The following CFAP54 variants were observed in gnomAD, a reference collection of about 807,000 sequenced individuals.
The protein encoded by CFAP54 is cilia and flagella associated protein 54.
CFAP54 carries 290 observed loss-of-function variants against 370.4 expected under a neutral mutation model. The ratio of observed to expected loss-of-function variants is 0.78; its 90% CI spans 0.71 to 0.86. CFAP54 has a LOEUF of 0.86. Ranked by LOEUF, CFAP54 falls within the 40% of genes least tolerant of loss-of-function variation. The pLI is 0.00. For synonymous variants in CFAP54, 1,206 were observed against 1,236.5 expected, an observed-to-expected ratio of 0.98 and a Z score of 0.52; for missense variants, 3,399 against 3,528.7, an observed-to-expected ratio of 0.96 and a Z score of 0.93.
In CFAP54 at chr12:96,564,510, G is replaced by T. The variant is rs1376506945; in HGVS notation, c.2453G>T (p.Gly818Val). The T allele has an allele frequency of 2.4e-5, 17 of 698,652 alleles. No individual in the cohort carries two copies. Among genetic ancestry groups the T allele is most frequent in the Admixed American group, 1.6e-4 (8 of 49,816 alleles). 43.3% of individuals were successfully genotyped at this position (698,652 alleles called of 1,614,324 possible). The change falls in exon 18 of 68, where the codon GGT becomes GTT. Residue 818 changes from glycine to valine, a missense_variant. This residue lies in a region of CFAP54 where 2,796 missense variants were observed against 2,869.7 expected (regional missense o/e 0.97). Transcript: ENST00000524981. ...GTTAGCAAAGATATTTCTACCAAGG[G>T]TCCGGAAAAGTTAAAACAATCTGGA... ...PTVSKDISTK[G>V]PEKLKQSGST...
intron 19 of CFAP54, among the ~76,000 whole-genome samples, chr12:96,572,021 G>A (rs1336289349): frequency 6.6e-6 from 1 of 152,070 alleles, no homozygotes; most frequent in East Asian, 1.9e-4. Context: ...TCTGAGTTAG[G>A]GGTCTAAAGT....
intron 36 of CFAP54, among the ~76,000 whole-genome samples, chr12:96,657,445 A>G (rs867188271): frequency 2.0e-5 from 3 of 152,362 alleles, no homozygotes; most frequent in Middle Eastern, 3.4e-3. Flanking sequence ...AAATCTTACC[A>G]TAATTTATTT....
intron 20 of CFAP54, among the ~76,000 whole-genome samples, chr12:96,579,651 T>A (rs1239400735): frequency 6.6e-6 from 1 of 152,062 alleles, no homozygotes; most frequent in Non-Finnish European, 1.5e-5. Flanking sequence ...AATGACACAG[T>A]CATGACCCCT....
At chr12:96,522,617 G>A (rs1002155821) in intron 8 of CFAP54, among the ~76,000 whole-genome samples, 2 of 152,162 alleles carry the variant, frequency 1.3e-5, no homozygotes, top group African/African-American at 2.4e-5. Flanking sequence ...GAATGTTCAG[G>A]AGCTAGGTTA....
Position 96,628,928 on chromosome 12 carries a change from C to CA in CFAP54, c.4104-1153dup, listed in dbSNP as rs11308912. Among the ~76,000 whole-genome samples the CA allele has an allele frequency of 5.3e-3, 776 of 147,166 alleles. 3 individuals are homozygous for CA. The highest frequency in any genetic ancestry group is 7.9e-3 in the Non-Finnish European group (527 of 66,368). ...TAGTACTTACGAAGAAATATAAATT[C>CA]AAAAAAAAAAAATAGAAATTTCAGG... On this transcript the variant is annotated intron_variant, in intron 30 of 67. Transcript: ENST00000524981.
chr12:96,744,262 G>A, intron 55 of CFAP54, 116 bp downstream of exon 55: 1 of 893,092 alleles, frequency 1.1e-6, no homozygotes, highest in East Asian at 2.7e-5. Context: ...GAATACTCAG[G>A]CTCCATTTAT....
intron 15 of CFAP54, 47 bp from the exon 16 acceptor site, chr12:96,554,135 A>AT (rs941111762): frequency 5.3e-6 from 7 of 1,310,618 alleles, no homozygotes; most frequent in Non-Finnish European, 7.1e-6. Context: ...GTTGCATTTG[A>AT]TTTTCCCTTG....
At chr12:96,516,600 T>C (rs932728835) in intron 5 of CFAP54, among the ~76,000 whole-genome samples, 1 of 152,184 alleles carries the variant, frequency 6.6e-6, no homozygotes, top group Non-Finnish European at 1.5e-5. Context: ...TGAAGACATA[T>C]GACCATTTTG....
chr12:96,705,883 A>G (rs572771309), intron 47 of CFAP54, among the ~76,000 whole-genome samples: 17 of 152,224 alleles, frequency 1.1e-4, no homozygotes, highest in Non-Finnish European at 2.2e-4. Flanking sequence ...GAGAGAAAAG[A>G]CAAGAGAAAG....
rs115691081 is a variant in CFAP54, at chr12:96,693,738, C to G, written c.6281C>G (p.Ala2094Gly). The G allele has an allele frequency of 6.3e-6, 10 of 1,592,266 alleles. No homozygotes were observed. The East Asian group carries it at 2.0e-4, about 32-fold the overall frequency. The part of the protein sequence containing the change: ...RQNLIVLPLL[A>G]LYQYFVSGIC... ...TCCTGATAGGTTCTGCCTCTCCTTG[C>G]ATTGTATCAATATTTTGTTTCTGGA... Residue 2094 changes from alanine to glycine, a missense_variant, in exon 45 of 68, where the codon GCA becomes GGA. Ala to Gly is a moderately conservative substitution (Grantham distance 60, BLOSUM62 0). Transcript: ENST00000524981.
At chr12:96,682,549 T>C (rs12371623) in intron 40 of CFAP54, among the ~76,000 whole-genome samples, 12,967 of 152,002 alleles carry the variant, frequency 0.085, 793 homozygotes, top group South Asian at 0.27. Flanking sequence ...CTAATTTTTA[T>C]ATTTTTTGTA....
chr12:96,660,708 C>T (rs1956984473), intron 38 of CFAP54, among the ~76,000 whole-genome samples: 1 of 152,200 alleles, frequency 6.6e-6, no homozygotes, highest in African/African-American at 2.4e-5. Context: ...AGGTGTCTTT[C>T]AATGCAATTT....
chr12:96,825,916 T>A (rs1191013800), intron 65 of CFAP54, among the ~76,000 whole-genome samples: 1 of 139,912 alleles, frequency 7.1e-6, no homozygotes, highest in Non-Finnish European at 1.5e-5. Context: ...ACAGAATATA[T>A]TCATATATAA....
At chr12:96,867,080 T>C (rs1332990561) in intron 67 of CFAP54, among the ~76,000 whole-genome samples, 1 of 152,128 alleles carries the variant, frequency 6.6e-6, no homozygotes, top group Non-Finnish European at 1.5e-5. Flanking sequence ...AGTAATAAAG[T>C]ATATGTAATG....
At chr12:96,816,252 G>A (rs1565988598) in intron 64 of CFAP54, among the ~76,000 whole-genome samples, 2 of 152,118 alleles carry the variant, frequency 1.3e-5, no homozygotes, top group Non-Finnish European at 2.9e-5. Context: ...GCAGTGGTTT[G>A]TAGTTCTCCT....
intron 39 of CFAP54, among the ~76,000 whole-genome samples, chr12:96,678,642 C>T: frequency 6.6e-6 from 1 of 152,166 alleles, no homozygotes; most frequent in East Asian, 1.9e-4. Flanking sequence ...CACAGCTGGC[C>T]TATCTTCTCT....
intron 50 of CFAP54, among the ~76,000 whole-genome samples, chr12:96,736,831 T>G (rs1012651393): frequency 6.6e-6 from 1 of 152,172 alleles, no homozygotes; most frequent in Non-Finnish European, 1.5e-5. Flanking sequence ...TAACACTATA[T>G]GGATAGCAAA....
intron 35 of CFAP54, among the ~76,000 whole-genome samples, chr12:96,650,547 G>A (rs947940680): frequency 1.3e-5 from 2 of 152,016 alleles, no homozygotes; most frequent in Non-Finnish European, 2.9e-5. Context: ...TCACTTCCAT[G>A]TTCTCTCAAA....
chr12:96,679,579 T>G, intron 39 of CFAP54, 21 bp from the exon 40 acceptor site: 1 of 1,601,902 alleles, frequency 6.2e-7, no homozygotes, highest in African/African-American at 1.3e-5. Context: ...TCCCCAATAT[T>G]CCGCTTTTCT....
Sources: gnomAD v4.1 joint callset for allele counts (sites outside exome capture counted in the v4.1 genomes callset) on GRCh38, gnomAD v4.1.1 for gene constraint, gnomAD v4.1.1 regional missense constraint, MANE v1.5 for transcripts, NCBI Gene and HGNC (gene_info 2026-07-23, HGNC 2026-07-21) for gene names.